Variants in SHOC1 observed in about 807,000 individuals in gnomAD.
SHOC1 encodes the protein shortage in chiasmata 1.
Under a neutral mutation model 179.2 loss-of-function variants are expected in SHOC1, and 136 were observed. That is an observed-to-expected ratio of 0.76 (90% CI 0.66 to 0.87). The LOEUF is 0.87. Ranked by LOEUF, SHOC1 falls within the 40% of genes least tolerant of loss-of-function variation. The probability of loss-of-function intolerance (pLI) is 0.00; values close to 1 mark genes in which losing one functional copy is unlikely to be tolerated. For missense variants in SHOC1, 1,538 were observed against 1,700.8 expected, an observed-to-expected ratio of 0.90 and a Z score of 1.68; for synonymous variants, 489 against 586.6, an observed-to-expected ratio of 0.83 and a Z score of 2.41.
intron 16 of SHOC1, among the ~76,000 whole-genome samples, chr9:111,717,973 A>G (rs1832871552): frequency 6.6e-6 from 1 of 152,198 alleles, no homozygotes; most frequent in African/African-American, 2.4e-5. Flanking sequence ...CTAGGTGATG[A>G]CAGTGTTAAG....
At chr9:111,723,070 G>A (rs567678623) in intron 14 of SHOC1, among the ~76,000 whole-genome samples, 92 of 152,212 alleles carry the variant, frequency 6.0e-4, no homozygotes, top group Non-Finnish European at 1.1e-3. Flanking sequence ...GTGAGCCACC[G>A]CGCCTGGCCT....
In SHOC1 at chr9:111,686,575, T is replaced by C. The variant is rs1831170158; in HGVS notation, c.*195A>G. On this transcript the variant is annotated 3_prime_UTR_variant, in exon 28 of 28. Coordinates refer to ENST00000682961, the MANE Select transcript of SHOC1 (RefSeq NM_001378211.1). The stretch of plus-strand genomic sequence containing the variant: ...TTATGATAATTATTCTGCTAATTGA[T>C]AAATTAGAATATTTAACTTACAAAG... The C allele has an allele frequency of 4.4e-6, 2 of 456,678 alleles. No homozygotes were observed. The highest frequency in any genetic ancestry group is 2.0e-5 in the African/African-American group (1 of 49,424). The allele number at this position is 456,678 out of a possible 1,614,324, so 28.3% of individuals were successfully genotyped here.
intron 5 of SHOC1, among the ~76,000 whole-genome samples, chr9:111,760,724 G>A (rs557251881): frequency 2.0e-5 from 3 of 151,360 alleles, no homozygotes; most frequent in African/African-American, 7.3e-5. Context: ...TATTCAGAAA[G>A]TATATGCAGG....
chr9:111,785,804 T>C, intron 3 of SHOC1, 108 bp downstream of exon 3: 1 of 888,926 alleles, frequency 1.1e-6, no homozygotes, highest in Non-Finnish European at 1.5e-6. Context: ...CATGAGTAGA[T>C]GCAATGAGTT....
chr9:111,700,002 AT>A lies in SHOC1; in HGVS notation c.3134del (p.Tyr1045LeufsTer9). 1.9e-6 allele frequency: 3 copies of A among 1,609,032 alleles called. No individual in the cohort carries two copies. The highest frequency in any genetic ancestry group is 2.5e-6 in the Non-Finnish European group (3 of 1,176,926). Reference sequence around the variant, plus strand: ...TTAGCCCAAATGAAACCAAAGCTGCATAAATCAGTGCTAGGTGATGAAGTGT... The same window carrying A: ...TTAGCCCAAATGAAACCAAAGCTGCAAAATCAGTGCTAGGTGATGAAGTGT... ...EKTLHHLALIYAALVSFGLNS... is the reference protein window; with the variant it reads ...EKTLHHLALIXAALVSFGLNS... On this transcript the variant is annotated frameshift_variant, in exon 24 of 28. Transcript: ENST00000682961. LOFTEE classifies it high-confidence loss of function.
At chr9:111,766,407 G>T (rs576208793) in intron 5 of SHOC1, among the ~76,000 whole-genome samples, 1 of 152,072 alleles carries the variant, frequency 6.6e-6, no homozygotes, top group Non-Finnish European at 1.5e-5. Context: ...TCCAGAAGTG[G>T]AACTGCTGGA....
intron 8 of SHOC1, among the ~76,000 whole-genome samples, chr9:111,755,200 G>GT (rs35135460): frequency 6.6e-6 from 1 of 152,114 alleles, no homozygotes; most frequent in East Asian, 1.9e-4. Context: ...CTTTACATTT[G>GT]ATTTACGGAG....
At chr9:111,720,820 A>G (rs1179010299) in intron 15 of SHOC1, among the ~76,000 whole-genome samples, 1 of 152,190 alleles carries the variant, frequency 6.6e-6, no homozygotes, top group Admixed American at 6.5e-5. Context: ...AAATGTCTCT[A>G]ACTTTTCAAA....
intron 8 of SHOC1, among the ~76,000 whole-genome samples, chr9:111,751,153 G>T (rs1244475998): frequency 6.6e-6 from 1 of 152,174 alleles, no homozygotes; most frequent in Non-Finnish European, 1.5e-5. Context: ...TCAGATGGTT[G>T]TAGGTGTGTG....
intron 8 of SHOC1, among the ~76,000 whole-genome samples, chr9:111,749,303 T>A (rs1834452126): frequency 6.6e-6 from 1 of 152,166 alleles, no homozygotes; most frequent in Non-Finnish European, 1.5e-5. Context: ...GTCATTATAT[T>A]TGCTTTTTAA....
At chr9:111,698,224 T>C (rs1334059116) in intron 24 of SHOC1, among the ~76,000 whole-genome samples, 1 of 152,212 alleles carries the variant, frequency 6.6e-6, no homozygotes, top group East Asian at 1.9e-4. Context: ...ATTTTGGCTT[T>C]TGTTGCCATT....
chr9:111,771,573 C>A (rs1426782905), intron 5 of SHOC1, among the ~76,000 whole-genome samples: 1 of 152,066 alleles, frequency 6.6e-6, no homozygotes, highest in Admixed American at 6.5e-5. Context: ...GAAGAACCCC[C>A]TTTACCATTT....
chr9:111,717,594 CAA>C (rs35014939), intron 16 of SHOC1, among the ~76,000 whole-genome samples: 38 of 67,812 alleles, frequency 5.6e-4, no homozygotes, highest in Admixed American at 7.0e-4. Context: ...AACTCTGTCT[CAA>C]AAAAAAAAAA....
chr9:111,752,663 A>G (rs1197117138), intron 8 of SHOC1, among the ~76,000 whole-genome samples: 1 of 152,274 alleles, frequency 6.6e-6, no homozygotes, highest in Non-Finnish European at 1.5e-5. Context: ...CAAAGCAGTA[A>G]TAACATAACA....
At chr9:111,786,173 C>G in intron 2 of SHOC1, 138 bp from the exon 3 acceptor site, 3 of 556,914 alleles carry the variant, frequency 5.4e-6, no homozygotes, top group Non-Finnish European at 5.5e-6. Context: ...AAAAAACAGG[C>G]ATACCTAATC....
chr9:111,771,340 A>AT (rs146594376), intron 5 of SHOC1, among the ~76,000 whole-genome samples: 28,710 of 152,030 alleles, frequency 0.19, 2,905 homozygotes, highest in Non-Finnish European at 0.22. Context: ...CAATTTACAT[A>AT]TTTTTATATT....
intron 6 of SHOC1, 55 bp downstream of exon 6, chr9:111,758,640 T>G (rs1211110401): frequency 1.4e-6 from 2 of 1,456,638 alleles, no homozygotes; most frequent in Non-Finnish European, 1.8e-6. Context: ...GTGATCATAC[T>G]AAAACATTTT....
intron 24 of SHOC1, among the ~76,000 whole-genome samples, chr9:111,695,726 A>C (rs1831659124): frequency 6.6e-6 from 1 of 152,184 alleles, no homozygotes; most frequent in Non-Finnish European, 1.5e-5. Flanking sequence ...ACTGTTTGAG[A>C]ATGATGTTAA....
intron 10 of SHOC1, among the ~76,000 whole-genome samples, chr9:111,741,988 A>G (rs1181941567): frequency 6.6e-6 from 1 of 152,232 alleles, no homozygotes; most frequent in Non-Finnish European, 1.5e-5. Context: ...AAATCAAGTG[A>G]AAAATTGACT....
Sources: gnomAD v4.1 joint callset for allele counts (sites outside exome capture counted in the v4.1 genomes callset) on GRCh38, gnomAD v4.1.1 for gene constraint, MANE v1.5 for transcripts, NCBI Gene and HGNC (gene_info 2026-07-23, HGNC 2026-07-21) for gene names.